Variants in SNX13 observed in about 807,000 individuals in gnomAD.
The protein encoded by SNX13 is sorting nexin-13.
SNX13 carries 45 observed loss-of-function variants against 133.6 expected under a neutral mutation model. That is an observed-to-expected ratio of 0.34 (90% CI 0.27 to 0.43). The LOEUF is 0.43. Ranked by LOEUF, SNX13 falls within the 20% of genes least tolerant of loss-of-function variation. The pLI, the probability that SNX13 is intolerant of heterozygous loss-of-function variation, is 1.00. For synonymous variants in SNX13, 414 were observed against 373.9 expected (o/e 1.11, Z -1.24); for missense variants, 1,032 against 1,145.1 (o/e 0.90, Z 1.43).
Position 17,793,889 on chromosome 7 carries a change from A to C in SNX13, c.*156T>G. 1 of 735,066 alleles carries C rather than the reference A, an allele frequency of 1.4e-6. No individual in the cohort carries two copies. The highest frequency in any genetic ancestry group is 1.8e-5 in the African/African-American group (1 of 55,834). 45.5% of individuals were successfully genotyped at this position (735,066 alleles called of 1,614,324 possible). A position where few individuals can be genotyped will look rare whatever the true frequency, so the allele number is the denominator to read the frequency against. Reference sequence around the variant, plus strand: ...TTGGTAGTGGTGGATTATAGATGAGAATGAGAAGAACCACAGACTTATGGA... The same window carrying C: ...TTGGTAGTGGTGGATTATAGATGAGCATGAGAAGAACCACAGACTTATGGA... On this transcript the variant is annotated 3_prime_UTR_variant, in exon 26 of 26. Coordinates refer to ENST00000428135, the MANE Select transcript of SNX13 (RefSeq NM_015132.5).
At chr7:17,855,954 T>C (rs1791828522) in intron 9 of SNX13, among the ~76,000 whole-genome samples, 1 of 152,242 alleles carries the variant, frequency 6.6e-6, no homozygotes, top group Admixed American at 6.5e-5. Flanking sequence ...TTATTCTAGA[T>C]GCCATTATGA....
chr7:17,932,624 T>C lies in SNX13; in HGVS notation c.12+7660A>G, dbSNP rs144200157. Among the ~76,000 whole-genome samples the C allele has an allele frequency of 2.3e-3, 350 of 152,344 alleles. 1 individual carries two copies. The highest frequency in any genetic ancestry group is 3.3e-3 in the Admixed American group (50 of 15,298). On this transcript the variant is annotated intron_variant, in intron 1 of 25. Coordinates refer to ENST00000428135, the MANE Select transcript of SNX13 (RefSeq NM_015132.5). ...ATGAGGCCCATCCTCAGGAGTTTAC[T>C]CTATTAGGGAAAAACATGTAACAAG...
chr7:17,867,524 T>C (rs1288378953), intron 9 of SNX13, among the ~76,000 whole-genome samples: 1 of 151,962 alleles, frequency 6.6e-6, no homozygotes, highest in Admixed American at 6.6e-5. Context: ...GGAGGATCAC[T>C]TGAGCCAAGG....
chr7:17,936,187 T>G (rs1039345395), intron 1 of SNX13, among the ~76,000 whole-genome samples: 1 of 152,226 alleles, frequency 6.6e-6, no homozygotes, highest in Non-Finnish European at 1.5e-5. Context: ...AAACTAACTA[T>G]GTTAAGTCAT....
chr7:17,892,205 A>G (rs1331082835), intron 3 of SNX13, among the ~76,000 whole-genome samples: 2 of 152,092 alleles, frequency 1.3e-5, no homozygotes, highest in Non-Finnish European at 2.9e-5. Flanking sequence ...ATAGACATAG[A>G]TATCTATATT....
intron 1 of SNX13, chr7:17,900,019 T>C (rs1252927842): frequency 6.6e-6 from 1 of 152,238 alleles, no homozygotes; most frequent in Admixed American, 6.5e-5. Context: ...TAGCCATATA[T>C]ACATTAGAGG....
intron 20 of SNX13, among the ~76,000 whole-genome samples, chr7:17,813,968 AAAG>A (rs1192241477): frequency 6.6e-6 from 1 of 152,136 alleles, no homozygotes; most frequent in Non-Finnish European, 1.5e-5. Context: ...TTAGGGGGAC[AAAG>A]AATAGTGAGA....
At chr7:17,871,146 C>T (rs1397421359) in intron 8 of SNX13, among the ~76,000 whole-genome samples, 15 of 152,128 alleles carry the variant, frequency 9.9e-5, no homozygotes, top group Admixed American at 2.6e-4. Flanking sequence ...GCTGGGATGA[C>T]AGGCGCCTGC....
chr7:17,834,621 T>C (rs543074910), intron 14 of SNX13, 140 bp downstream of exon 14: 8 of 485,332 alleles, frequency 1.6e-5, no homozygotes, highest in East Asian at 6.6e-5. Context: ...TTTACATTTC[T>C]GGAATTGAGA....
At position 17,821,483 on chromosome 7, in the gene SNX13, T is replaced by C. The variant is rs1160328567; in HGVS notation, c.1845+26A>G. On this transcript the variant is annotated intron_variant, in intron 18 of 25. Transcript: ENST00000428135. ...AATCAAATCAAGAAACAACATAAAGTACACAAGTTTTTAAAACTTCATTAC... is the reference window on the plus strand; with the variant it reads ...AATCAAATCAAGAAACAACATAAAGCACACAAGTTTTTAAAACTTCATTAC... 4 of 1,584,812 alleles carry C rather than the reference T, an allele frequency of 2.5e-6. No homozygotes were observed. In the East Asian group the frequency reaches 6.8e-5, roughly 27 times the overall value.
chr7:17,914,370 C>T (rs139131452), intron 1 of SNX13, among the ~76,000 whole-genome samples: 1 of 152,092 alleles, frequency 6.6e-6, no homozygotes, highest in African/African-American at 2.4e-5. Flanking sequence ...CATACAGATA[C>T]AAAAAAATTC....
At chr7:17,854,260 C>G (rs1791610455) in intron 9 of SNX13, among the ~76,000 whole-genome samples, 1 of 152,178 alleles carries the variant, frequency 6.6e-6, no homozygotes, top group Non-Finnish European at 1.5e-5. Flanking sequence ...CAGCAAGGTT[C>G]TTCATATTTC....
intron 5 of SNX13, among the ~76,000 whole-genome samples, chr7:17,884,209 C>A (rs1420977527): frequency 6.6e-6 from 1 of 152,122 alleles, no homozygotes; most frequent in Non-Finnish European, 1.5e-5. Context: ...TATGTATGCA[C>A]AGCTAAGACA....
At chr7:17,939,090 T>A (rs1802452879) in intron 1 of SNX13, among the ~76,000 whole-genome samples, 1 of 152,234 alleles carries the variant, frequency 6.6e-6, no homozygotes, top group Non-Finnish European at 1.5e-5. Flanking sequence ...GTGCTTAGAT[T>A]AAGTACAAAC....
chr7:17,798,554 G>T (rs1784297388), intron 24 of SNX13, 136 bp downstream of exon 24: 1 of 614,722 alleles, frequency 1.6e-6, no homozygotes, highest in East Asian at 3.0e-5. Context: ...ATAATTCTTA[G>T]AAGTCTTTTT....
intron 1 of SNX13, among the ~76,000 whole-genome samples, chr7:17,932,111 T>C (rs904215639): frequency 1.3e-5 from 2 of 152,250 alleles, no homozygotes; most frequent in Non-Finnish European, 2.9e-5. Context: ...ATCAGCATTA[T>C]TGTACTATTA....
chr7:17,871,064 G>T (rs1794050372), intron 8 of SNX13, among the ~76,000 whole-genome samples: 1 of 151,286 alleles, frequency 6.6e-6, no homozygotes. Context: ...GGAGTGCAGT[G>T]GCGCGATCTC....
At chr7:17,853,049 G>C (rs1219551638) in intron 9 of SNX13, among the ~76,000 whole-genome samples, 1 of 152,202 alleles carries the variant, frequency 6.6e-6, no homozygotes, top group Non-Finnish European at 1.5e-5. Flanking sequence ...GTATAAAAGA[G>C]TTGGTCAGAA....
chr7:17,829,964 C>T (rs1377773396), intron 16 of SNX13, 46 bp downstream of exon 16: 37 of 1,351,396 alleles, frequency 2.7e-5, no homozygotes, highest in Non-Finnish European at 3.6e-5. Context: ...CAGCCTTTTA[C>T]ATTATTTTCA....
Sources: allele counts gnomAD v4.1 joint callset (sites outside exome capture counted in the v4.1 genomes callset), GRCh38; gene constraint gnomAD v4.1.1; transcripts MANE v1.5; gene names NCBI Gene and HGNC (gene_info 2026-07-23, HGNC 2026-07-21).